TXNL1: variants seen among roughly 807,000 people sequenced by gnomAD.
TXNL1 encodes the protein thioredoxin-like protein 1.
A neutral mutation model predicts 35.5 loss-of-function variants in TXNL1; 14 were observed. The observed-to-expected ratio is 0.39, with a 90% CI of 0.26 to 0.62. The LOEUF (loss-of-function observed/expected upper bound fraction) is 0.62, where lower values mean the gene tolerates loss of function less well. Ranked by LOEUF, TXNL1 falls within the 20% of genes least tolerant of loss-of-function variation. TXNL1 has a pLI of 0.47. For missense variants in TXNL1, 263 were observed against 349.7 expected (o/e 0.75, Z 1.98); for synonymous variants, 110 against 115.5 (o/e 0.95, Z 0.31).
At chr18:56,619,206 C>A (rs774904239) in intron 3 of TXNL1, among the ~76,000 whole-genome samples, 2 of 144,200 alleles carry the variant, frequency 1.4e-5, no homozygotes, top group Non-Finnish European at 3.0e-5. Flanking sequence ...AGAGCAAGAC[C>A]CTGTCTCAAA....
chr18:56,618,740 A>C (rs2144307001), intron 3 of TXNL1, among the ~76,000 whole-genome samples: 1 of 152,204 alleles, frequency 6.6e-6, no homozygotes, highest in African/African-American at 2.4e-5. Flanking sequence ...TTCAGTATGA[A>C]TTTCTAAGCA....
rs548609360 is a variant in TXNL1 at position 56,622,936 on chromosome 18, A to C, written c.369+1352T>G. On this transcript the variant is annotated intron_variant, in intron 3 of 7. Coordinates refer to ENST00000217515, the MANE Select transcript of TXNL1 (RefSeq NM_004786.3). ...ATAAATAGTAATTGTACTTCCTTAAATTAATGCTGGTATCACATTACTGAT... is the reference window on the plus strand; with the variant it reads ...ATAAATAGTAATTGTACTTCCTTAACTTAATGCTGGTATCACATTACTGAT... 4.6e-5 allele frequency among the ~76,000 whole-genome samples: 7 copies of C among 152,326 alleles called. No individual in the cohort carries two copies. In the East Asian group the frequency reaches 1.3e-3, roughly 29 times the overall value.
chr18:56,615,425 T>C lies in TXNL1; in HGVS notation c.562+820A>G, dbSNP rs1251695573. ...AAAAAAATCAGAACCCTAGTCTCCATTCCCCTATTCCCCCTCAGAAAAAGC... is the reference window on the plus strand; with the variant it reads ...AAAAAAATCAGAACCCTAGTCTCCACTCCCCTATTCCCCCTCAGAAAAAGC... On this transcript the variant is annotated intron_variant, in intron 5 of 7. Transcript: ENST00000217515. Among the ~76,000 whole-genome samples, 3 of 137,248 alleles carry C rather than the reference T, an allele frequency of 2.2e-5. No individual in the cohort carries two copies. In the Admixed American group the frequency reaches 2.2e-4, roughly 10 times the overall value. The allele number at this position is 137,248 out of a possible 152,430, so 90.0% of individuals were successfully genotyped here. A position where few individuals can be genotyped will look rare whatever the true frequency, so the allele number is the denominator to read the frequency against.
intron 7 of TXNL1, among the ~76,000 whole-genome samples, chr18:56,603,449 A>G (rs1402803168): frequency 6.6e-6 from 1 of 152,158 alleles, no homozygotes; most frequent in East Asian, 1.9e-4. Flanking sequence ...AGCGTATGTT[A>G]AACTCATGTC....
At position 56,603,062 on chromosome 18, in the gene TXNL1, A is replaced by G; in HGVS notation, c.841-6T>C. 1.2e-6 allele frequency: 2 copies of G among 1,612,372 alleles called. No homozygotes were observed. The highest frequency in any genetic ancestry group is 1.7e-6 in the Non-Finnish European group (2 of 1,178,614). On this transcript the variant is annotated splice_polypyrimidine_tract_variant and splice_region_variant and intron_variant, in intron 7 of 7. Coordinates refer to ENST00000217515, the MANE Select transcript of TXNL1 (RefSeq NM_004786.3). ...TCTCCTTTTTTGCCAACTACCTAGA[A>G]AAACAAAAATAAGTTTATATGTACA...
chr18:56,634,992 T>A (rs2024433539), intron 1 of TXNL1, among the ~76,000 whole-genome samples: 1 of 152,196 alleles, frequency 6.6e-6, no homozygotes, highest in African/African-American at 2.4e-5. Flanking sequence ...CCCAGCGCAG[T>A]GACTCACACC....
intron 6 of TXNL1, among the ~76,000 whole-genome samples, chr18:56,613,446 A>G (rs2024029248): frequency 6.6e-6 from 1 of 152,272 alleles, no homozygotes; most frequent in South Asian, 2.1e-4. Context: ...GCTAAAAATT[A>G]GCTGATTCTT....
intron 6 of TXNL1, among the ~76,000 whole-genome samples, chr18:56,612,169 T>G (rs1407187927): frequency 6.6e-6 from 1 of 151,760 alleles, no homozygotes; most frequent in Non-Finnish European, 1.5e-5. Flanking sequence ...GCCCAGCAAT[T>G]AAATTCTTTA....
intron 1 of TXNL1, among the ~76,000 whole-genome samples, chr18:56,631,644 C>T (rs1046224745): frequency 1.3e-5 from 2 of 152,178 alleles, no homozygotes; most frequent in Admixed American, 1.3e-4. Context: ...CCCAGCCGGG[C>T]GCAGTGGCTC....
rs2023808744 is a variant in TXNL1, at chr18:56,601,392, T to G, written c.*1635A>C. The G allele has an allele frequency of 6.6e-6, 1 of 152,210 alleles. No individual in the cohort carries two copies. The highest frequency in any genetic ancestry group is 6.5e-5 in the Admixed American group (1 of 15,280). 9.4% of individuals were successfully genotyped at this position (152,210 alleles called of 1,614,324 possible). ...CACTGGGTTTTCAAACTATCAAGTA[T>G]AAATAGGAAAAGGTCAGCAATACTT... On this transcript the variant is annotated 3_prime_UTR_variant, in exon 8 of 8. Transcript: ENST00000217515.
intron 7 of TXNL1, chr18:56,608,802 C>A (rs1284113621): frequency 6.6e-6 from 1 of 152,122 alleles, no homozygotes; most frequent in Non-Finnish European, 1.5e-5. Context: ...AAAACATTAG[C>A]CGAGTGTGGT....
In TXNL1 at chr18:56,603,066, C is replaced by G; in HGVS notation, c.841-10G>C. On this transcript the variant is annotated splice_polypyrimidine_tract_variant and intron_variant, in intron 7 of 7. Transcript: ENST00000217515. ...CTTTTTTGCCAACTACCTAGAAAAA[C>G]AAAAATAAGTTTATATGTACATCCT... 6.2e-7 allele frequency: 1 copy of G among 1,610,662 alleles called. No individual in the cohort carries two copies. Among genetic ancestry groups the G allele is most frequent in the Non-Finnish European group, 8.5e-7 (1 of 1,177,348 alleles).
chr18:56,633,591 G>A (rs571441849), intron 1 of TXNL1, among the ~76,000 whole-genome samples: 1 of 140,316 alleles, frequency 7.1e-6, no homozygotes, highest in South Asian at 2.2e-4. Context: ...CTGTACTGCA[G>A]CCTGAGCAAC....
chr18:56,616,125 C>CTT, intron 5 of TXNL1, 120 bp downstream of exon 5: 1 of 827,680 alleles, frequency 1.2e-6, no homozygotes. Context: ...GCACAAGACT[C>CTT]TGTCTCAAAA....
At chr18:56,607,912 T>C (rs2023927378) in intron 7 of TXNL1, among the ~76,000 whole-genome samples, 1 of 152,100 alleles carries the variant, frequency 6.6e-6, no homozygotes, top group South Asian at 2.1e-4. Flanking sequence ...AAGTCAAAAA[T>C]GCTTAACTGC....
At chr18:56,624,537 A>T in intron 2 of TXNL1, 76 bp from the exon 3 acceptor site, 3 of 1,439,976 alleles carry the variant, frequency 2.1e-6, no homozygotes, top group Non-Finnish European at 2.8e-6. Flanking sequence ...ACCTTTATGG[A>T]AGTTAAATAC....
intron 3 of TXNL1, among the ~76,000 whole-genome samples, chr18:56,623,915 TC>T (rs1280211192): frequency 2.6e-5 from 4 of 151,936 alleles, no homozygotes; most frequent in Non-Finnish European, 5.9e-5. Context: ...AACCTGTAAG[TC>T]ATTTTACATA....
Position 56,628,966 on chromosome 18 carries a change from A to G in TXNL1, c.99-2509T>C, listed in dbSNP as rs941450733. Among the ~76,000 whole-genome samples the G allele has an allele frequency of 3.9e-5, 6 of 152,238 alleles. No homozygotes were observed. In the East Asian group the frequency reaches 9.6e-4, roughly 24 times the overall value. Reference sequence around the variant, plus strand: ...AAAAATCTAAGAAAATAATATTTACAGTCAACTAAAATTAGTCTTAAACTT... The same window carrying G: ...AAAAATCTAAGAAAATAATATTTACGGTCAACTAAAATTAGTCTTAAACTT... On this transcript the variant is annotated intron_variant, in intron 1 of 7. Coordinates refer to ENST00000217515, the MANE Select transcript of TXNL1 (RefSeq NM_004786.3).
At chr18:56,625,415 AT>A (rs1176757772) in intron 2 of TXNL1, among the ~76,000 whole-genome samples, 1 of 152,164 alleles carries the variant, frequency 6.6e-6, no homozygotes, top group Non-Finnish European at 1.5e-5. Flanking sequence ...AATATTTTAC[AT>A]TTTTTATACT....
Sources: allele counts gnomAD v4.1 joint callset (sites outside exome capture counted in the v4.1 genomes callset), GRCh38; gene constraint gnomAD v4.1.1; transcripts MANE v1.5; gene names NCBI Gene and HGNC (gene_info 2026-07-23, HGNC 2026-07-21).